CEACAM19: variants seen among roughly 807,000 people sequenced by gnomAD.
The protein encoded by CEACAM19 is CEA cell adhesion molecule 19.
A neutral mutation model predicts 37.6 loss-of-function variants in CEACAM19; 37 were observed. The observed-to-expected ratio is 0.98, with a 90% CI of 0.76 to 1.29. CEACAM19 has a LOEUF of 1.29. CEACAM19 is among the 50% of genes most tolerant of loss of function. The pLI, the probability that CEACAM19 is intolerant of heterozygous loss-of-function variation, is 0.00. For synonymous variants in CEACAM19, 140 were observed against 149.8 expected, an observed-to-expected ratio of 0.93 and a Z score of 0.48; for missense variants, 340 against 375.6, an observed-to-expected ratio of 0.91 and a Z score of 0.78.
Position 44,683,526 on chromosome 19 carries a change from G to T in CEACAM19, c.*36G>T. On this transcript the variant is annotated 3_prime_UTR_variant, in exon 8 of 8. Transcript: ENST00000358777. ...GCCAGGCCAGCCAGGGAGAAGACAA[G>T]GCCCCAGCCCTCCTCTGGGAGCCTC... is the stretch of plus-strand genomic sequence containing the variant. 1 of 1,411,618 alleles carries T rather than the reference G, an allele frequency of 7.1e-7. No homozygotes were observed. The highest frequency in any genetic ancestry group is 9.6e-7 in the Non-Finnish European group (1 of 1,044,142). The allele number at this position is 1,411,618 out of a possible 1,614,324, so 87.4% of individuals were successfully genotyped here.
chr19:44,681,823 G>A (rs771582331), intron 6 of CEACAM19, among the ~76,000 whole-genome samples: 15 of 151,958 alleles, frequency 9.9e-5, no homozygotes, highest in Non-Finnish European at 1.9e-4. Context: ...CCAGTTACTC[G>A]GGAGGCTGAG....
intron 3 of CEACAM19, 99 bp downstream of exon 3, chr19:44,676,520 C>A: frequency 1.7e-6 from 2 of 1,211,238 alleles, no homozygotes; most frequent in Non-Finnish European, 2.4e-6. Context: ...CATACACAAT[C>A]TCATCAAATC....
chr19:44,671,450 A>G (rs1457291896), upstream of CEACAM19: 1 of 390,170 alleles, frequency 2.6e-6, no homozygotes, highest in Non-Finnish European at 4.5e-6. Context: ...AGTCAGCCAC[A>G]GGTGAAATCC....
Position 44,671,837 on chromosome 19 carries a change from C to A in CEACAM19, c.-95C>A. The A allele has an allele frequency of 9.1e-7, 1 of 1,103,154 alleles. No individual in the cohort carries two copies. The highest frequency in any genetic ancestry group is 2.0e-5 in the Admixed American group (1 of 49,176). The allele number at this position is 1,103,154 out of a possible 1,614,324, so 68.3% of individuals were successfully genotyped here. A position where few individuals can be genotyped will look rare whatever the true frequency, so the allele number is the denominator to read the frequency against. On this transcript the variant is annotated 5_prime_UTR_variant, in exon 1 of 8. Transcript: ENST00000358777. The stretch of plus-strand genomic sequence containing the variant: ...GTCTCTAAGGCACCCCTGGGATCCC[C>A]ACTGAGCTGGCCTACTTCAGACAGC...
upstream of CEACAM19, among the ~76,000 whole-genome samples, chr19:44,668,671 ATATATTATATATTATAATATATTATATAT>A (rs1158878828): frequency 3.9e-5 from 3 of 76,890 alleles, no homozygotes; most frequent in African/African-American, 1.8e-4. Flanking sequence ...AATTATATAC[ATATATTATATATTATAATATATTATATAT>A]TATATTATAT....
At chr19:44,676,685 C>T (rs1165347528) in intron 3 of CEACAM19, among the ~76,000 whole-genome samples, 1 of 152,174 alleles carries the variant, frequency 6.6e-6, no homozygotes, top group Non-Finnish European at 1.5e-5. Context: ...TGCAGTGGCA[C>T]AATCACGACT....
chr19:44,667,102 C>CA (rs1973726857), upstream of CEACAM19: 6 of 151,768 alleles, frequency 4.0e-5, no homozygotes, highest in Non-Finnish European at 8.8e-5. Context: ...TATAGCTGGG[C>CA]CACTCCATCA....
chr19:44,666,930 G>A (rs1358855944), upstream of CEACAM19: 1 of 151,776 alleles, frequency 6.6e-6, no homozygotes, highest in East Asian at 1.9e-4. Context: ...ATCCCTGTGA[G>A]GTGGTGATGC....
At position 44,678,833 on chromosome 19, in the gene CEACAM19, C is replaced by T. The variant is rs756132840; in HGVS notation, c.576-20C>T. On this transcript the variant is annotated intron_variant, in intron 3 of 7. Transcript: ENST00000358777. Reference sequence around the variant, plus strand: ...GTCAATGCTTTATTCCAATTTTCTTCCCCTCTCTTTCCACCCTAGACTGCC... The same window carrying T: ...GTCAATGCTTTATTCCAATTTTCTTTCCCTCTCTTTCCACCCTAGACTGCC... 28 of 1,607,952 alleles carry T rather than the reference C, an allele frequency of 1.7e-5. No individual in the cohort carries two copies. The East Asian group carries it at 5.6e-4, about 32-fold the overall frequency.
At chr19:44,674,712 AT>A (rs1370605635) in intron 2 of CEACAM19, among the ~76,000 whole-genome samples, 1 of 152,170 alleles carries the variant, frequency 6.6e-6, no homozygotes, top group Non-Finnish European at 1.5e-5. Flanking sequence ...CCCTAGTTAA[AT>A]TTTAAAATGA....
chr19:44,679,796 G>T (rs984767497), intron 4 of CEACAM19, among the ~76,000 whole-genome samples: 7 of 151,106 alleles, frequency 4.6e-5, no homozygotes, highest in African/African-American at 9.7e-5. Flanking sequence ...CGAGCATGGT[G>T]GCACACACCT....
upstream of CEACAM19, among the ~76,000 whole-genome samples, chr19:44,670,186 G>A (rs1293183836): frequency 6.6e-6 from 1 of 152,022 alleles, no homozygotes; most frequent in Non-Finnish European, 1.5e-5. Context: ...GACCAGGGAT[G>A]GTAGCACACA....
chr19:44,679,433 T>C (rs548458771), intron 4 of CEACAM19, among the ~76,000 whole-genome samples: 18 of 152,260 alleles, frequency 1.2e-4, no homozygotes, highest in South Asian at 6.2e-4. Flanking sequence ...GGTGAAACCC[T>C]GTCTCTACTA....
intron 2 of CEACAM19, among the ~76,000 whole-genome samples, chr19:44,675,992 A>G (rs1688743455): frequency 6.6e-6 from 1 of 151,646 alleles, no homozygotes; most frequent in East Asian, 1.9e-4. Context: ...GCTGGTCTTG[A>G]ACTCCTGGGC....
intron 1 of CEACAM19, 28 bp from the exon 2 acceptor site, chr19:44,672,568 C>A: frequency 6.8e-7 from 1 of 1,459,940 alleles, no homozygotes; most frequent in South Asian, 1.6e-5. Context: ...CACCCCTGAT[C>A]TCAGCCCTTC....
intron 3 of CEACAM19, chr19:44,678,464 C>T (rs1973991785): frequency 6.2e-6 from 1 of 160,190 alleles, no homozygotes; most frequent in Admixed American, 6.5e-5. Context: ...AGGCTGGAAT[C>T]CAGTGGCGCG....
At position 44,671,688 on chromosome 19, in the gene CEACAM19, G is replaced by A; in HGVS notation, c.-244G>A. The A allele has an allele frequency of 2.0e-6, 1 of 511,058 alleles. No homozygotes were observed. The highest frequency in any genetic ancestry group is 3.5e-6 in the Non-Finnish European group (1 of 285,806). The allele number at this position is 511,058 out of a possible 1,614,324, so 31.7% of individuals were successfully genotyped here. A position where few individuals can be genotyped will look rare whatever the true frequency, so the allele number is the denominator to read the frequency against. On this transcript the variant is annotated 5_prime_UTR_variant, in exon 1 of 8. Transcript: ENST00000358777. ...AAGAGGGTCAGGGGAGGAGTCCTGG[G>A]AAGTTCCCCAGTCACCCTGAAAAAC... is the stretch of plus-strand genomic sequence containing the variant.
chr19:44,675,867 C>T (rs1206492668), intron 2 of CEACAM19, among the ~76,000 whole-genome samples: 1 of 151,702 alleles, frequency 6.6e-6, no homozygotes, highest in Non-Finnish European at 1.5e-5. Context: ...TGCTGAGGAT[C>T]GTATGAAATC....
At chr19:44,681,911 C>T (rs527289230) in intron 6 of CEACAM19, among the ~76,000 whole-genome samples, 36 of 149,850 alleles carry the variant, frequency 2.4e-4, no homozygotes, top group African/African-American at 8.9e-4. Flanking sequence ...GCCTGCACGA[C>T]AGGAGCGAGA....
Sources: gnomAD v4.1 joint callset for allele counts (sites outside exome capture counted in the v4.1 genomes callset) on GRCh38, gnomAD v4.1.1 for gene constraint, MANE v1.5 for transcripts, NCBI Gene and HGNC (gene_info 2026-07-23, HGNC 2026-07-21) for gene names.